SH3RF3: variants seen among roughly 807,000 people sequenced by gnomAD.
SH3RF3 encodes the protein SH3 domain containing ring finger 3.
Under a neutral mutation model 66.3 loss-of-function variants are expected in SH3RF3, and 29 were observed. The observed-to-expected ratio is 0.44, with a 90% CI of 0.33 to 0.60. The LOEUF (loss-of-function observed/expected upper bound fraction) is 0.60, where lower values mean the gene tolerates loss of function less well. Ranked by LOEUF, SH3RF3 falls within the 20% of genes least tolerant of loss-of-function variation. SH3RF3 has a pLI of 0.04. For missense variants in SH3RF3, 1,194 were observed against 1,190.9 expected, an observed-to-expected ratio of 1.00 and a Z score of -0.04; for synonymous variants, 583 against 532.0, an observed-to-expected ratio of 1.10 and a Z score of -1.32.
intron 1 of SH3RF3, among the ~76,000 whole-genome samples, chr2:109,326,007 A>G (rs564205796): frequency 1.3e-5 from 2 of 152,370 alleles, no homozygotes; most frequent in South Asian, 2.1e-4. Flanking sequence ...AACAAACATT[A>G]GTATATCTAC....
chr2:109,221,581 C>CAA (rs60310731), intron 1 of SH3RF3, among the ~76,000 whole-genome samples: 1,010 of 63,178 alleles, frequency 0.016, 15 homozygotes, highest in African/African-American at 0.043. Context: ...GACTCCATCT[C>CAA]AAAAAAAAAA....
At chr2:109,489,441 C>T (rs983351393) in intron 8 of SH3RF3, among the ~76,000 whole-genome samples, 1 of 152,208 alleles carries the variant, frequency 6.6e-6, no homozygotes, top group Non-Finnish European at 1.5e-5. Context: ...GCTTGGGCCT[C>T]ACGGAAAGTC....
chr2:109,341,998 G>A lies in SH3RF3; in HGVS notation c.574-5676G>A, dbSNP rs545119316. Among the ~76,000 whole-genome samples, 16 of 152,320 alleles carry A rather than the reference G, an allele frequency of 1.1e-4. No individual in the cohort carries two copies. In the East Asian group the frequency reaches 2.9e-3, roughly 28 times the overall value. On this transcript the variant is annotated intron_variant, in intron 1 of 9. Coordinates refer to ENST00000309415, the MANE Select transcript of SH3RF3 (RefSeq NM_001099289.3). ...CCATTCTCAGACCCCGCAGTGCTTG[G>A]TGTGTATACAATTAGGGTCTCACCC...
intron 9 of SH3RF3, among the ~76,000 whole-genome samples, chr2:109,497,336 G>A (rs1220641332): frequency 6.6e-6 from 1 of 152,164 alleles, no homozygotes; most frequent in South Asian, 2.1e-4. Context: ...GCTACCACAT[G>A]GAGGGCCACT....
intron 1 of SH3RF3, among the ~76,000 whole-genome samples, chr2:109,258,742 G>C (rs371025061): frequency 6.6e-6 from 1 of 152,334 alleles, no homozygotes; most frequent in South Asian, 2.1e-4. Flanking sequence ...CATATAATAC[G>C]TGCTGCTTTG....
rs151321091 is a variant in SH3RF3, at chr2:109,490,862, C to T, written c.2406C>T (p.Phe802=). ...HRKAGSLDLN[F]TSPSRQAPLS... is the part of the protein sequence containing the mutation. ...AGGCAGGCTCCTTGGATCTAAACTT[C>T]ACATCTCCTTCCCGGCAAGCTCCGC... Residue 802 remains phenylalanine, a synonymous_variant, in exon 9 of 10, where the codon TTC becomes TTT. Transcript: ENST00000309415. The T allele has an allele frequency of 6.0e-4, 924 of 1,535,620 alleles. 3 individuals are homozygous for T. In the African/African-American group the frequency reaches 0.011, roughly 18 times the overall value.
At chr2:109,248,763 TCTC>T (rs1679981752) in intron 1 of SH3RF3, among the ~76,000 whole-genome samples, 1 of 151,710 alleles carries the variant, frequency 6.6e-6, no homozygotes, top group Non-Finnish European at 1.5e-5. Flanking sequence ...CTTCTCTCTC[TCTC>T]TCTTTCTCTT....
At position 109,347,867 on chromosome 2, in the gene SH3RF3, A is replaced by ACGCCC. The variant is rs1328632926; in HGVS notation, c.774_778dup (p.Gln260ArgfsTer12). ...ATCCAGTGCATCCAGCCCTTGCCAC[A>ACGCCC]CGCCCCGCCCCAGGGAAAAGCACTT... On this transcript the variant is annotated frameshift_variant, in exon 2 of 10. Transcript: ENST00000309415. LOFTEE classifies it high-confidence loss of function. 1 of 1,613,328 alleles carries ACGCCC rather than the reference A, an allele frequency of 6.2e-7. No homozygotes were observed. The highest frequency in any genetic ancestry group is 8.5e-7 in the Non-Finnish European group (1 of 1,179,698).
intron 1 of SH3RF3, among the ~76,000 whole-genome samples, chr2:109,261,992 A>T (rs971284371): frequency 1.3e-5 from 2 of 152,174 alleles, no homozygotes; most frequent in Non-Finnish European, 2.9e-5. Flanking sequence ...ACAAAGCTCT[A>T]TAAAACCAGG....
intron 2 of SH3RF3, among the ~76,000 whole-genome samples, chr2:109,367,817 GA>G (rs1290251585): frequency 6.6e-6 from 1 of 152,128 alleles, no homozygotes; most frequent in African/African-American, 2.4e-5. Context: ...GAGTTCCTAG[GA>G]GTGGCTATTT....
intron 1 of SH3RF3, among the ~76,000 whole-genome samples, chr2:109,307,693 G>A (rs1175412861): frequency 5.4e-5 from 8 of 147,290 alleles, no homozygotes; most frequent in Admixed American, 2.0e-4. Context: ...TTGCTCTTGC[G>A]ATAGTTTACT....
At chr2:109,410,405 G>A (rs1037073266) in intron 4 of SH3RF3, among the ~76,000 whole-genome samples, 18 of 152,346 alleles carry the variant, frequency 1.2e-4, no homozygotes, top group Admixed American at 1.0e-3. Flanking sequence ...CCCTGACCTC[G>A]GTGCGGAGGG....
At chr2:109,345,781 A>C (rs190547901) in intron 1 of SH3RF3, among the ~76,000 whole-genome samples, 53 of 152,316 alleles carry the variant, frequency 3.5e-4, no homozygotes, top group Admixed American at 3.2e-3. Context: ...AAATTTAACC[A>C]AACAGGCTGG....
intron 1 of SH3RF3, among the ~76,000 whole-genome samples, chr2:109,204,138 A>G (rs972970226): frequency 3.3e-5 from 5 of 152,214 alleles, no homozygotes; most frequent in Admixed American, 1.3e-4. Flanking sequence ...AATCCAGTGA[A>G]GGTCTGTCTC....
intron 8 of SH3RF3, among the ~76,000 whole-genome samples, chr2:109,452,882 C>T (rs1677923948): frequency 7.3e-6 from 1 of 136,560 alleles, no homozygotes; most frequent in Middle Eastern, 4.2e-3. Context: ...TGCCAGGAGG[C>T]TGGTCCCAGG....
intron 1 of SH3RF3, chr2:109,251,367 G>T: frequency 3.2e-6 from 2 of 629,612 alleles, no homozygotes; most frequent in East Asian, 3.3e-5. Context: ...GCGGGAGCAT[G>T]AGGGAGTCTG....
chr2:109,269,363 C>T (rs1251863464), intron 1 of SH3RF3, among the ~76,000 whole-genome samples: 1 of 152,228 alleles, frequency 6.6e-6, no homozygotes, highest in Non-Finnish European at 1.5e-5. Context: ...CCTCCCCACA[C>T]ACCGTGTAAT....
At position 109,272,084 on chromosome 2, in the gene SH3RF3, C is replaced by T. The variant is rs116262473; in HGVS notation, c.574-75590C>T. Among the ~76,000 whole-genome samples the T allele has an allele frequency of 1.8e-3, 268 of 152,280 alleles. 2 individuals carry two copies. The highest frequency in any genetic ancestry group is 5.9e-3 in the African/African-American group (244 of 41,558). On this transcript the variant is annotated intron_variant, in intron 1 of 9. Transcript: ENST00000309415. ...CTGTGTCATGGCCGGGCCTCCTGCCCCCACCACTCAGGGCAGCCCGTCTGC... is the reference window on the plus strand; with the variant it reads ...CTGTGTCATGGCCGGGCCTCCTGCCTCCACCACTCAGGGCAGCCCGTCTGC...
At chr2:109,420,667 G>C (rs13410519) in intron 5 of SH3RF3, among the ~76,000 whole-genome samples, 10,219 of 152,108 alleles carry the variant, frequency 0.067, 1,002 homozygotes, top group African/African-American at 0.22. Context: ...GGATGGTCTC[G>C]ATCTCCTGAT....
Sources: gnomAD v4.1 joint callset for allele counts (sites outside exome capture counted in the v4.1 genomes callset) on GRCh38, gnomAD v4.1.1 for gene constraint, MANE v1.5 for transcripts, NCBI Gene and HGNC (gene_info 2026-07-23, HGNC 2026-07-21) for gene names.